The following R3HDM4 variants were observed in gnomAD, a reference collection of about 807,000 sequenced individuals.
The protein encoded by R3HDM4 is R3H domain-containing protein 4.
Under a neutral mutation model 31.3 loss-of-function variants are expected in R3HDM4, and 30 were observed. The ratio of observed to expected loss-of-function variants is 0.96; its 90% CI spans 0.72 to 1.30. The LOEUF is 1.30. Among genes scored for constraint, R3HDM4 ranks in the 50% most tolerant of loss-of-function variants. The pLI is 0.00. For synonymous variants in R3HDM4, 196 were observed against 156.6 expected (o/e 1.25, Z -1.88); for missense variants, 444 against 366.1 (o/e 1.21, Z -1.74).
intron 1 of R3HDM4, among the ~76,000 whole-genome samples, chr19:903,248 C>A (rs533002785): frequency 4.6e-5 from 7 of 151,890 alleles, no homozygotes; most frequent in African/African-American, 9.7e-5. Context: ...CAAACCCCCC[C>A]CTTAATGTCC....
At chr19:906,809 T>TTTTTGTTTTGTTTTG (rs60860170) in intron 1 of R3HDM4, among the ~76,000 whole-genome samples, 14,955 of 149,642 alleles carry the variant, frequency 0.1, 938 homozygotes, top group East Asian at 0.19. Flanking sequence ...ATTTGGGGTT[T>TTTTTGTTTTGTTTTG]TTTTGTTTTG....
In R3HDM4 at chr19:900,065, G is replaced by C; in HGVS notation, c.557C>G (p.Pro186Arg). The change falls in exon 5 of 8, where the codon CCC (proline) becomes CGC (arginine). Residue 186 changes from proline (P) to arginine (R), a missense_variant. Physicochemically the swap from Pro to Arg is moderately radical, Grantham distance 103 (BLOSUM62 -2). Transcript: ENST00000361574. ...GCCCGGCAATCCCCCACTCACCATG[G>C]GGATGCGGCTGCGCTTGAGGACGGC... ...LRAVLKRSRI[P>R]METLETWEER... 1 of 1,611,904 alleles carries C rather than the reference G, an allele frequency of 6.2e-7. No homozygotes were observed.
chr19:902,041 G>T lies in R3HDM4; in HGVS notation c.161C>A (p.Ala54Glu). The stretch of plus-strand genomic sequence containing the variant: ...GGGCACGAGGTCTGAGTTCCGCACT[G>T]CCTGGTTGATGAAGTGCTGTTTCCG... ...SRRKQHFINQ[A>E]VRNSDLVPKA... Residue 54 changes from alanine (A) to glutamate (E), a missense_variant, in exon 2 of 8, where the codon GCA (alanine) becomes GAA (glutamate). Physicochemically the swap from Ala to Glu is moderately radical, Grantham distance 107. Transcript: ENST00000361574. 1.2e-6 allele frequency: 2 copies of T among 1,613,922 alleles called. No individual in the cohort carries two copies. The highest frequency in any genetic ancestry group is 1.7e-6 in the Non-Finnish European group (2 of 1,180,008).
Position 899,295 on chromosome 19 carries a change from C to G in R3HDM4, c.703+145G>C, listed in dbSNP as rs150551924. 7.0e-3 allele frequency: 5,624 copies of G among 799,478 alleles called. 39 individuals carry two copies. The highest frequency in any genetic ancestry group is 8.9e-3 in the Middle Eastern group (25 of 2,812). The allele number at this position is 799,478 out of a possible 1,614,324, so 49.5% of individuals were successfully genotyped here. On this transcript the variant is annotated intron_variant, in intron 7 of 7. Coordinates refer to ENST00000361574, the MANE Select transcript of R3HDM4 (RefSeq NM_138774.4). This position sits in a 1 kb window ranked among gnomAD's most constrained non-coding sequence, Gnocchi z 6.8. ...AATTCAAGGCAGGGTCCCACTGCCACCCCTGAGTTCGTAGCGTCCCCACTC... is the reference window on the plus strand; with the variant it reads ...AATTCAAGGCAGGGTCCCACTGCCAGCCCTGAGTTCGTAGCGTCCCCACTC...
rs1250321310 is a variant in R3HDM4 at position 913,168 on chromosome 19, C to A, written c.-11G>T. On this transcript the variant is annotated 5_prime_UTR_variant, in exon 1 of 8. Transcript: ENST00000361574. This position sits in a 1 kb window ranked among gnomAD's most constrained non-coding sequence, Gnocchi z 5.0. ...CTCCAGCGCGACCATGGCTCGCACG[C>A]TGTCGCCGCCGCCGCCGCCCGGCAG... 9.4e-7 allele frequency: 1 copy of A among 1,066,104 alleles called. No individual in the cohort carries two copies. Among genetic ancestry groups the A allele is most frequent in the South Asian group, 4.2e-5 (1 of 24,056 alleles). The allele number at this position is 1,066,104 out of a possible 1,614,324, so 66.0% of individuals were successfully genotyped here.
Position 913,045 on chromosome 19 carries a change from C to CT in R3HDM4, c.71+41_71+42insA, listed in dbSNP as rs1165732712. Reference sequence around the variant, plus strand: ...GAGGATCTCAGGGGAGGGAGCCCAGCCCGCCCCCGGCGCCCGCCGCGCCCC... The same window carrying CT: ...GAGGATCTCAGGGGAGGGAGCCCAGCTCCGCCCCCGGCGCCCGCCGCGCCCC... On this transcript the variant is annotated intron_variant, in intron 1 of 7. Transcript: ENST00000361574. This position sits in a 1 kb window ranked among gnomAD's most constrained non-coding sequence, Gnocchi z 5.0. The CT allele has an allele frequency of 5.1e-6, 4 of 780,212 alleles. No individual in the cohort carries two copies. The Admixed American group carries it at 2.6e-4, about 50-fold the overall frequency. The allele number at this position is 780,212 out of a possible 1,614,324, so 48.3% of individuals were successfully genotyped here.
rs2037003691 is a variant in R3HDM4 at position 913,136 on chromosome 19, C to T, written c.22G>A (p.Glu8Lys). The change falls in exon 1 of 8, where the codon GAG becomes AAG. Residue 8 changes from glutamate (E) to lysine (K), a missense_variant. By Grantham distance (56) the Glu-to-Lys change is moderately conservative. Coordinates refer to ENST00000361574, the MANE Select transcript of R3HDM4 (RefSeq NM_138774.4). This position sits in a 1 kb window ranked among gnomAD's most constrained non-coding sequence, Gnocchi z 5.0. MVALENP[E>K]CGPEAAEGTP... ...CCCTCCGCCGCCTCCGGGCCGCACT[C>T]GGGGTTCTCCAGCGCGACCATGGCT... The T allele has an allele frequency of 9.2e-7, 1 of 1,091,662 alleles. No individual in the cohort carries two copies. The highest frequency in any genetic ancestry group is 4.7e-5 in the Admixed American group (1 of 21,430). The allele number at this position is 1,091,662 out of a possible 1,614,324, so 67.6% of individuals were successfully genotyped here.
intron 3 of R3HDM4, 47 bp from the exon 4 acceptor site, chr19:900,999 G>A (rs373402374): frequency 4.0e-5 from 60 of 1,515,434 alleles, no homozygotes; most frequent in South Asian, 3.5e-4. Context: ...CACTGGGGCT[G>A]CGCTGACATC....
rs112889245 is a variant in R3HDM4, at chr19:901,387, C to T, written c.351+35G>A. 5.5e-5 allele frequency: 88 copies of T among 1,588,696 alleles called. 2 individuals carry two copies. In the African/African-American group the frequency reaches 8.7e-4, roughly 16 times the overall value. ...GGCCGTAGGAGAACTGCCGGGGTCC[C>T]CGTGTGGAGGGAGTGAGGGGGTTGG... On this transcript the variant is annotated intron_variant, in intron 3 of 7. Transcript: ENST00000361574.
chr19:908,895 G>A (rs921702271), intron 1 of R3HDM4, among the ~76,000 whole-genome samples: 3 of 152,092 alleles, frequency 2.0e-5, no homozygotes, highest in Admixed American at 1.3e-4. Context: ...TCCGCCCCCC[G>A]CCCACCGCCG....
intron 1 of R3HDM4, among the ~76,000 whole-genome samples, chr19:908,238 T>G (rs2036930494): frequency 6.6e-6 from 1 of 151,716 alleles, no homozygotes; most frequent in Admixed American, 6.6e-5. Flanking sequence ...ATCTGGCCTC[T>G]GGGGTAGACA....
Position 899,073 on chromosome 19 carries a change from C to A in R3HDM4, c.703+367G>T, listed in dbSNP as rs752206362. Among the ~76,000 whole-genome samples, 6 of 152,024 alleles carry A rather than the reference C, an allele frequency of 3.9e-5. No individual in the cohort carries two copies. Among genetic ancestry groups the A allele is most frequent in the Non-Finnish European group, 5.9e-5 (4 of 67,994 alleles). ...GGTCCCACGTGTGGTATGTGGGAGG[C>A]CTTAGAGTTAAATGCAAACCTTCCA... On this transcript the variant is annotated intron_variant, in intron 7 of 7. Transcript: ENST00000361574. The surrounding 1 kb of genome is among the most constrained non-coding windows in gnomAD (Gnocchi z 6.8).
chr19:897,568 CG>C (rs2036757051), intron 7 of R3HDM4, 28 bp from the exon 8 acceptor site: 1 of 1,577,210 alleles, frequency 6.3e-7, no homozygotes, highest in South Asian at 1.1e-5. Flanking sequence ...GGGGCAAGAA[CG>C]GGAGGAATTT....
rs904378634 is a variant in R3HDM4 at position 896,993 on chromosome 19, G to C, written c.*444C>G. ...AAAAACTGGGAGGGGCTGAGCAGGG[G>C]CTGGGACCAAGACCCATGTTTTACC... On this transcript the variant is annotated 3_prime_UTR_variant, in exon 8 of 8. Coordinates refer to ENST00000361574, the MANE Select transcript of R3HDM4 (RefSeq NM_138774.4). This position sits in a 1 kb window ranked among gnomAD's most constrained non-coding sequence, Gnocchi z 4.0. 2 of 159,260 alleles carry C rather than the reference G, an allele frequency of 1.3e-5. No homozygotes were observed. The highest frequency in any genetic ancestry group is 2.8e-5 in the Non-Finnish European group (2 of 72,250). 9.9% of individuals were successfully genotyped at this position (159,260 alleles called of 1,614,324 possible).
intron 7 of R3HDM4, among the ~76,000 whole-genome samples, chr19:898,640 C>T (rs944765897): frequency 2.6e-5 from 4 of 151,906 alleles, no homozygotes; most frequent in African/African-American, 4.8e-5. Context: ...AAAAGAGCCA[C>T]GTCCCATGTG....
At chr19:900,522 C>G (rs1288421245) in intron 4 of R3HDM4, among the ~76,000 whole-genome samples, 1 of 151,660 alleles carries the variant, frequency 6.6e-6, no homozygotes, top group East Asian at 1.9e-4. Flanking sequence ...CTACCCCATC[C>G]TGGCCCCACA....
At position 897,103 on chromosome 19, in the gene R3HDM4, T is replaced by TA; in HGVS notation, c.*333dup. On this transcript the variant is annotated 3_prime_UTR_variant, in exon 8 of 8. Transcript: ENST00000361574. ...ATCACACCAAATTCATTAAAAGTGATAAAAACCCAGCCTCCCCCTCCTCAC... is the reference window on the plus strand; with the variant it reads ...ATCACACCAAATTCATTAAAAGTGATAAAAAACCCAGCCTCCCCCTCCTCAC... The TA allele has an allele frequency of 3.7e-6, 1 of 269,352 alleles. No homozygotes were observed. The highest frequency in any genetic ancestry group is 6.7e-5 in the East Asian group (1 of 14,950). 16.7% of individuals were successfully genotyped at this position (269,352 alleles called of 1,614,324 possible).
rs2145309108 is a variant in R3HDM4 at position 913,080 on chromosome 19, C to T, written c.71+7G>A. On this transcript the variant is annotated splice_region_variant and intron_variant, in intron 1 of 7. Transcript: ENST00000361574. The surrounding 1 kb of genome is among the most constrained non-coding windows in gnomAD (Gnocchi z 5.0). Reference sequence around the variant, plus strand: ...GCGCCCGCCGCGCCCCGCCCGCCCGCGCTCACAGCAGCCGCCGCCCGCCCG... The same window carrying T: ...GCGCCCGCCGCGCCCCGCCCGCCCGTGCTCACAGCAGCCGCCGCCCGCCCG... 1 of 1,052,162 alleles carries T rather than the reference C, an allele frequency of 9.5e-7. No individual in the cohort carries two copies. Among genetic ancestry groups the T allele is most frequent in the Non-Finnish European group, 1.1e-6 (1 of 875,520 alleles). The allele number at this position is 1,052,162 out of a possible 1,614,324, so 65.2% of individuals were successfully genotyped here.
chr19:901,253 T>G (rs1599358030), intron 3 of R3HDM4, 169 bp downstream of exon 3: 1 of 728,462 alleles, frequency 1.4e-6, no homozygotes, highest in South Asian at 1.9e-5. Flanking sequence ...AGGGGTGGGG[T>G]GGGGATTCTG....
Sources: allele counts gnomAD v4.1 joint callset (sites outside exome capture counted in the v4.1 genomes callset), GRCh38; gene constraint gnomAD v4.1.1; non-coding constraint Gnocchi (gnomAD v3.1); transcripts MANE v1.5; gene names NCBI Gene and HGNC (gene_info 2026-07-23, HGNC 2026-07-21).